The following PTPRD variants were observed in gnomAD, a reference collection of about 807,000 sequenced individuals.
The protein encoded by PTPRD is protein tyrosine phosphatase receptor type D, also known as receptor-type tyrosine-protein phosphatase delta.
Under a neutral mutation model 214.5 loss-of-function variants are expected in PTPRD, and 34 were observed. The ratio of observed to expected loss-of-function variants is 0.16; its 90% CI spans 0.12 to 0.21. The LOEUF is 0.21. Ranked by LOEUF, PTPRD falls within the 10% of genes least tolerant of loss-of-function variation. The pLI is 1.00. For missense variants in PTPRD, 2,545 were observed against 2,398.7 expected (o/e 1.06, Z -1.27); for synonymous variants, 1,128 against 845.7 (o/e 1.33, Z -5.79).
chr9:10,441,950 C>T (rs1032892901), intron 2 of PTPRD, among the ~76,000 whole-genome samples: 1 of 151,512 alleles, frequency 6.6e-6, no homozygotes, highest in African/African-American at 2.4e-5. Context: ...CAAGACACAT[C>T]ATGTCTGATG....
chr9:10,426,665 C>T (rs1232839717), intron 2 of PTPRD, among the ~76,000 whole-genome samples: 1 of 151,996 alleles, frequency 6.6e-6, no homozygotes, highest in Admixed American at 6.6e-5. Flanking sequence ...ATCAACAATC[C>T]AAAGTAAGGG....
intron 10 of PTPRD, among the ~76,000 whole-genome samples, chr9:9,043,786 C>G (rs1055261517): frequency 1.3e-5 from 2 of 151,966 alleles, no homozygotes; most frequent in Non-Finnish European, 2.9e-5. Context: ...TGCCTGTAGT[C>G]CCAGCTACCC....
chr9:10,285,655 G>A (rs1364148606), intron 3 of PTPRD, among the ~76,000 whole-genome samples: 1 of 135,874 alleles, frequency 7.4e-6, no homozygotes, highest in East Asian at 2.3e-4. Flanking sequence ...CTGTCGCCCA[G>A]GCTGGAGGGC....
In PTPRD at chr9:9,241,026, T is replaced by C. The variant is rs374367759; in HGVS notation, c.-202-57663A>G. On this transcript the variant is annotated intron_variant, in intron 9 of 45. Transcript: ENST00000381196. ...TAACTTTAAGATTATACCATTGGAC[T>C]GGGTGAGAATTTTCAGAGCTCTAAT... 2.0e-5 allele frequency among the ~76,000 whole-genome samples: 3 copies of C among 152,272 alleles called. No homozygotes were observed. The South Asian group carries it at 6.2e-4, about 32-fold the overall frequency.
chr9:9,816,111 C>T (rs1366733009), intron 5 of PTPRD, among the ~76,000 whole-genome samples: 1 of 152,136 alleles, frequency 6.6e-6, no homozygotes, highest in Non-Finnish European at 1.5e-5. Flanking sequence ...CCATATACTA[C>T]ACCTTAAATT....
chr9:10,044,009 A>G (rs928728806), intron 3 of PTPRD, among the ~76,000 whole-genome samples: 1 of 151,790 alleles, frequency 6.6e-6, no homozygotes, highest in African/African-American at 2.4e-5. Context: ...AAATATTTAG[A>G]GCCTTCAAGT....
chr9:8,452,831 G>C (rs189555969), intron 33 of PTPRD, among the ~76,000 whole-genome samples: 15 of 152,006 alleles, frequency 9.9e-5, no homozygotes, highest in Admixed American at 9.2e-4. Context: ...GCTCTCATCT[G>C]GGGGGAAGAA....
intron 10 of PTPRD, among the ~76,000 whole-genome samples, chr9:9,114,119 A>C (rs1337820726): frequency 6.6e-6 from 1 of 152,186 alleles, no homozygotes; most frequent in Non-Finnish European, 1.5e-5. Context: ...AAACAGAAAA[A>C]CTATCATTTA....
At chr9:8,851,226 T>A (rs941856538) in intron 11 of PTPRD, among the ~76,000 whole-genome samples, 2 of 150,836 alleles carry the variant, frequency 1.3e-5, no homozygotes, top group African/African-American at 4.9e-5. Context: ...GCACTTATTC[T>A]GCTTCAGTAT....
intron 2 of PTPRD, among the ~76,000 whole-genome samples, chr9:10,470,941 C>T (rs762398723): frequency 9.2e-5 from 14 of 152,104 alleles, no homozygotes; most frequent in Non-Finnish European, 1.6e-4. Flanking sequence ...AAATGTGGCA[C>T]ATATACAAGA....
Position 9,684,488 on chromosome 9 carries a change from A to G in PTPRD, c.-287+50045T>C, listed in dbSNP as rs535411397. On this transcript the variant is annotated intron_variant, in intron 7 of 45. Coordinates refer to ENST00000381196, the MANE Select transcript of PTPRD (RefSeq NM_002839.4). Reference sequence around the variant, plus strand: ...CATTTAGATGGTCTTTGTCAACTCAATGCAATTCAAAGAAAGACTCTACCT... The same window carrying G: ...CATTTAGATGGTCTTTGTCAACTCAGTGCAATTCAAAGAAAGACTCTACCT... Among the ~76,000 whole-genome samples the G allele has an allele frequency of 3.5e-4, 53 of 151,798 alleles. No homozygotes were observed. The South Asian group carries it at 9.3e-3, about 27-fold the overall frequency.
intron 11 of PTPRD, among the ~76,000 whole-genome samples, chr9:8,769,232 G>C (rs1292395619): frequency 1.3e-5 from 2 of 152,058 alleles, no homozygotes; most frequent in African/African-American, 4.8e-5. Flanking sequence ...TCTAGTATTT[G>C]TTTGAGTTCA....
In PTPRD at chr9:9,359,779, C is replaced by T. The variant is rs1333262599; in HGVS notation, c.-203+37670G>A. 2.0e-5 allele frequency among the ~76,000 whole-genome samples: 3 copies of T among 151,162 alleles called. No individual in the cohort carries two copies. In the East Asian group the frequency reaches 5.9e-4, roughly 30 times the overall value. On this transcript the variant is annotated intron_variant, in intron 9 of 45. Coordinates refer to ENST00000381196, the MANE Select transcript of PTPRD (RefSeq NM_002839.4). Reference sequence around the variant, plus strand: ...CATCTGACTTCGTTTGATTTTCATGCATCTATTCAATCATTTTTATTCAGC... The same window carrying T: ...CATCTGACTTCGTTTGATTTTCATGTATCTATTCAATCATTTTTATTCAGC...
chr9:9,744,585 G>A (rs1016732171), intron 6 of PTPRD, among the ~76,000 whole-genome samples: 2 of 151,814 alleles, frequency 1.3e-5, no homozygotes, highest in African/African-American at 4.8e-5. Flanking sequence ...TGACATAAGT[G>A]AACACTACCT....
chr9:9,499,677 C>T (rs986592298), intron 8 of PTPRD, among the ~76,000 whole-genome samples: 1 of 152,000 alleles, frequency 6.6e-6, no homozygotes, highest in African/African-American at 2.4e-5. Context: ...CAGCCTGTTT[C>T]TTCTCACAGT....
At chr9:10,173,729 G>A (rs576854972) in intron 3 of PTPRD, among the ~76,000 whole-genome samples, 1 of 151,794 alleles carries the variant, frequency 6.6e-6, no homozygotes, top group South Asian at 2.1e-4. Flanking sequence ...ATGTGCTTGT[G>A]CAGCTGTCAG....
At chr9:9,896,632 C>G (rs1448067776) in intron 5 of PTPRD, among the ~76,000 whole-genome samples, 1 of 151,894 alleles carries the variant, frequency 6.6e-6, no homozygotes, top group Non-Finnish European at 1.5e-5. Context: ...CGAATTAGAT[C>G]CGAGGAATTC....
At chr9:10,170,392 T>C (rs998417598) in intron 3 of PTPRD, among the ~76,000 whole-genome samples, 1 of 152,008 alleles carries the variant, frequency 6.6e-6, no homozygotes, top group Non-Finnish European at 1.5e-5. Flanking sequence ...TAAAATCGTG[T>C]TTTAGAAATC....
intron 3 of PTPRD, among the ~76,000 whole-genome samples, chr9:10,116,728 A>G (rs1271242014): frequency 6.6e-6 from 1 of 152,092 alleles, no homozygotes; most frequent in East Asian, 1.9e-4. Context: ...AAAACCCTCC[A>G]AAGGCTCCCC....
Sources: allele counts gnomAD v4.1 joint callset (sites outside exome capture counted in the v4.1 genomes callset), GRCh38; gene constraint gnomAD v4.1.1; transcripts MANE v1.5; gene names NCBI Gene and HGNC (gene_info 2026-07-23, HGNC 2026-07-21).